Variants in DRC8 observed in about 807,000 individuals in gnomAD.
DRC8 encodes the protein dynein regulatory complex protein 8.
At chr1:245,027,451 G>GA in the DRC8 span, among the ~76,000 whole-genome samples, 2 of 151,794 alleles carry the variant, frequency 1.3e-5, no homozygotes, top group Non-Finnish European at 2.9e-5. Flanking sequence ...TGGGACAAAA[G>GA]AAAAAAAATT....
the DRC8 span, among the ~76,000 whole-genome samples, chr1:245,026,590 A>G: frequency 2.0e-5 from 3 of 152,202 alleles, no homozygotes; most frequent in East Asian, 1.9e-4. Flanking sequence ...TGTGCAATGG[A>G]AAAACATGGA....
the DRC8 span, among the ~76,000 whole-genome samples, chr1:244,994,488 G>A: frequency 7.2e-5 from 11 of 152,092 alleles, no homozygotes; most frequent in Non-Finnish European, 1.2e-4. Context: ...GGAGTGCAGT[G>A]GCACAATCTC....
At chr1:245,105,363 A>G in the DRC8 span, among the ~76,000 whole-genome samples, 1 of 152,104 alleles carries the variant, frequency 6.6e-6, no homozygotes, top group African/African-American at 2.4e-5. Context: ...AAAAGATTCT[A>G]TCATTCCTTC....
the DRC8 span, among the ~76,000 whole-genome samples, chr1:244,979,981 G>T: frequency 7.0e-6 from 1 of 143,108 alleles, no homozygotes; most frequent in Non-Finnish European, 1.5e-5. Context: ...GAGGCAGGTG[G>T]ATCACGAGGT....
At chr1:245,116,219 AG>A in the DRC8 span, among the ~76,000 whole-genome samples, 1 of 151,944 alleles carries the variant, frequency 6.6e-6, no homozygotes, top group African/African-American at 2.4e-5. Context: ...GAAAAAAAAA[AG>A]AAAGAAAATT....
At chr1:244,984,503 A>C in the DRC8 span, among the ~76,000 whole-genome samples, 2 of 152,184 alleles carry the variant, frequency 1.3e-5, no homozygotes, top group East Asian at 3.8e-4. Flanking sequence ...GCATCTTCTT[A>C]TTAAGAGTAA....
chr1:245,013,252 T>C, the DRC8 span, among the ~76,000 whole-genome samples: 4 of 152,226 alleles, frequency 2.6e-5, no homozygotes, highest in African/African-American at 9.6e-5. Flanking sequence ...TCTTTGTCTC[T>C]CTCTTGGGCC....
chr1:245,062,794 G>A, the DRC8 span, among the ~76,000 whole-genome samples: 2 of 152,114 alleles, frequency 1.3e-5, no homozygotes, highest in African/African-American at 4.8e-5. Context: ...GCTCCTAAGC[G>A]TGCTATGTTC....
the DRC8 span, among the ~76,000 whole-genome samples, chr1:244,971,380 G>A: frequency 6.6e-6 from 1 of 152,240 alleles, no homozygotes; most frequent in African/African-American, 2.4e-5. Context: ...AAGGTCGCCA[G>A]TTCGGAGGCA....
the DRC8 span, among the ~76,000 whole-genome samples, chr1:245,014,545 G>A: frequency 5.3e-5 from 8 of 152,106 alleles, no homozygotes; most frequent in Non-Finnish European, 1.2e-4. Context: ...ATTAAAAATG[G>A]AAGGTTGTGT....
chr1:245,058,053 T>C, the DRC8 span, among the ~76,000 whole-genome samples: 5 of 152,116 alleles, frequency 3.3e-5, no homozygotes, highest in East Asian at 9.7e-4. Context: ...GTTGCCCTCC[T>C]TCAAAACTCT....
chr1:245,027,368 G>C, the DRC8 span, among the ~76,000 whole-genome samples: 2 of 151,970 alleles, frequency 1.3e-5, no homozygotes, highest in African/African-American at 4.8e-5. Flanking sequence ...AGGAAAGGAA[G>C]GAAAAAGATA....
the DRC8 span, among the ~76,000 whole-genome samples, chr1:245,032,150 C>T: frequency 6.6e-6 from 1 of 152,054 alleles, no homozygotes. Context: ...GTCTGAGAGG[C>T]AGGGGTGAGA....
At chr1:244,996,272 C>T in the DRC8 span, among the ~76,000 whole-genome samples, 1 of 151,092 alleles carries the variant, frequency 6.6e-6, no homozygotes, top group Admixed American at 6.7e-5. Context: ...CCGCAGGACT[C>T]GTGATAAGAG....
chr1:244,980,872 G>GA, the DRC8 span, among the ~76,000 whole-genome samples: 9 of 152,268 alleles, frequency 5.9e-5, no homozygotes, highest in African/African-American at 2.2e-4. Context: ...AGAATGTCCA[G>GA]AAAAAATGGA....
chr1:245,046,762 C>T, the DRC8 span, among the ~76,000 whole-genome samples: 1 of 152,062 alleles, frequency 6.6e-6, no homozygotes, highest in Non-Finnish European at 1.5e-5. Flanking sequence ...AGGAAAGAGA[C>T]ATTTGAGAGG....
chr1:244,971,801 A>G, the DRC8 span, among the ~76,000 whole-genome samples: 3 of 152,178 alleles, frequency 2.0e-5, no homozygotes, highest in East Asian at 5.8e-4. Context: ...CGATCTCTCT[A>G]TTGATAACAA....
At chr1:245,043,647 T>C in the DRC8 span, among the ~76,000 whole-genome samples, 1 of 152,092 alleles carries the variant, frequency 6.6e-6, no homozygotes, top group Non-Finnish European at 1.5e-5. Flanking sequence ...TTGATTTCTG[T>C]TTTGTGTACA....
the DRC8 span, among the ~76,000 whole-genome samples, chr1:245,035,790 C>G: frequency 6.6e-6 from 1 of 150,724 alleles, no homozygotes; most frequent in Non-Finnish European, 1.5e-5. Context: ...TCGCTGGAAC[C>G]TGGAAGGCGG....
Sources: gnomAD v4.1 joint callset for allele counts (sites outside exome capture counted in the v4.1 genomes callset) on GRCh38, gnomAD v4.1.1 for gene constraint, MANE v1.5 for transcripts, NCBI Gene and HGNC (gene_info 2026-07-23, HGNC 2026-07-21) for gene names.